GPM6A: variants seen among roughly 807,000 people sequenced by gnomAD.
GPM6A encodes neuronal membrane glycoprotein M6-a.
GPM6A carries 7 observed loss-of-function variants against 32.1 expected under a neutral mutation model. The ratio of observed to expected loss-of-function variants is 0.22; its 90% CI spans 0.12 to 0.41. The LOEUF (loss-of-function observed/expected upper bound fraction) is 0.41. Among genes scored for constraint, GPM6A ranks in the 10% least tolerant of loss-of-function variants. The pLI is 1.00. For synonymous variants in GPM6A, 130 were observed against 123.4 expected (o/e 1.05, Z -0.35); for missense variants, 235 against 347.2 (o/e 0.68, Z 2.57).
intron 1 of GPM6A, among the ~76,000 whole-genome samples, chr4:175,772,409 C>G (rs577784346): frequency 1.4e-3 from 219 of 152,276 alleles, no homozygotes; most frequent in African/African-American, 4.9e-3. Flanking sequence ...CGCATGCTTG[C>G]AAGAGTGTAT....
At chr4:175,964,753 ACAAAT>A (rs1740281176) in intron 1 of GPM6A, among the ~76,000 whole-genome samples, 1 of 152,218 alleles carries the variant, frequency 6.6e-6, no homozygotes, top group African/African-American at 2.4e-5. Flanking sequence ...CATTGTTAAC[ACAAAT>A]CAAAAGCAGG....
At chr4:175,819,019 A>G (rs891121825) in intron 1 of GPM6A, among the ~76,000 whole-genome samples, 2 of 152,202 alleles carry the variant, frequency 1.3e-5, no homozygotes, top group African/African-American at 4.8e-5. Flanking sequence ...CTATAACCAT[A>G]AAGGTGATCC....
intron 2 of GPM6A, among the ~76,000 whole-genome samples, chr4:175,700,263 T>G (rs1049380054): frequency 2.0e-5 from 3 of 152,158 alleles, no homozygotes; most frequent in Non-Finnish European, 4.4e-5. Context: ...TATACTTTTA[T>G]GAAAAACAAT....
chr4:175,786,032 T>C (rs189958196), intron 1 of GPM6A, among the ~76,000 whole-genome samples: 181 of 152,192 alleles, frequency 1.2e-3, no homozygotes, highest in Non-Finnish European at 2.1e-3. Flanking sequence ...CATAAACCTA[T>C]AGTTTCCAAG....
chr4:175,668,531 G>GTGTGTGTGTGTGTGTGTA, intron 3 of GPM6A, among the ~76,000 whole-genome samples: 1 of 151,410 alleles, frequency 6.6e-6, no homozygotes, highest in East Asian at 2.0e-4. Context: ...GTGTGTGTGT[G>GTGTGTGTGTGTGTGTGTA]TGTGTGTGTG....
chr4:175,815,576 A>G (rs2111339484), upstream of GPM6A, among the ~76,000 whole-genome samples: 1 of 152,206 alleles, frequency 6.6e-6, no homozygotes, highest in African/African-American at 2.4e-5. Context: ...TTCTACTCTT[A>G]GTCATTTATT....
Position 175,812,240 on chromosome 4 carries a change from T to C in GPM6A, c.-13A>G. 1 of 1,583,234 alleles carries C rather than the reference T, an allele frequency of 6.3e-7. No individual in the cohort carries two copies. The highest frequency in any genetic ancestry group is 1.1e-5 in the South Asian group (1 of 87,310). ...TATTCTCTTCCATGGCTACCTTTCTTCAGTAGAATCTGGTACACGGAATTA... is the reference window on the plus strand; with the variant it reads ...TATTCTCTTCCATGGCTACCTTTCTCCAGTAGAATCTGGTACACGGAATTA... On this transcript the variant is annotated 5_prime_UTR_variant, in exon 1 of 7. Transcript: ENST00000393658.
intron 4 of GPM6A, among the ~76,000 whole-genome samples, chr4:175,647,026 G>A (rs889056740): frequency 1.3e-5 from 2 of 152,188 alleles, no homozygotes; most frequent in African/African-American, 2.4e-5. Context: ...CTGTGACCTA[G>A]ATCGAATCCC....
At chr4:175,966,446 TTA>T (rs887430802) in intron 1 of GPM6A, among the ~76,000 whole-genome samples, 1 of 148,628 alleles carries the variant, frequency 6.7e-6, no homozygotes, top group Admixed American at 6.8e-5. Context: ...TTTCAAAATA[TTA>T]TATATATATA....
At chr4:175,976,931 A>C (rs986153137) in intron 1 of GPM6A, among the ~76,000 whole-genome samples, 2 of 152,242 alleles carry the variant, frequency 1.3e-5, no homozygotes, top group Non-Finnish European at 2.9e-5. Flanking sequence ...ACAACCCTGC[A>C]TTCCATAATG....
At chr4:175,650,290 ATTTAT>A (rs1741717081) in intron 4 of GPM6A, among the ~76,000 whole-genome samples, 3 of 65,084 alleles carry the variant, frequency 4.6e-5, no homozygotes, top group African/African-American at 2.1e-4. Context: ...TTATTTATTT[ATTTAT>A]TTATTTATTT....
At chr4:175,997,658 C>T (rs529709090) in intron 1 of GPM6A, among the ~76,000 whole-genome samples, 2 of 151,926 alleles carry the variant, frequency 1.3e-5, no homozygotes, top group African/African-American at 2.4e-5. Flanking sequence ...ATAACTGTCT[C>T]GAGGGTGTCA....
intron 1 of GPM6A, among the ~76,000 whole-genome samples, chr4:175,764,617 T>C (rs1732885232): frequency 6.6e-6 from 1 of 152,010 alleles, no homozygotes; most frequent in South Asian, 2.1e-4. Context: ...ATCCTTCATA[T>C]CCAAAGATAA....
At chr4:175,730,244 G>A (rs770149401) in intron 1 of GPM6A, among the ~76,000 whole-genome samples, 3 of 151,790 alleles carry the variant, frequency 2.0e-5, no homozygotes, top group African/African-American at 4.8e-5. Flanking sequence ...TTTTATTTAT[G>A]TATTTATTTA....
intron 1 of GPM6A, among the ~76,000 whole-genome samples, chr4:175,883,019 T>C (rs116451950): frequency 0.011 from 1,694 of 152,232 alleles, 21 homozygotes; most frequent in African/African-American, 0.038. Context: ...GAAAAAAGAA[T>C]TCATTTCTTT....
intron 1 of GPM6A, among the ~76,000 whole-genome samples, chr4:175,711,321 G>A (rs1230709200): frequency 6.8e-6 from 1 of 146,378 alleles, no homozygotes; most frequent in Non-Finnish European, 1.5e-5. Flanking sequence ...GACAGAAACA[G>A]AAATAAATAA....
At chr4:175,984,892 T>C (rs1284737811) in intron 1 of GPM6A, among the ~76,000 whole-genome samples, 1 of 152,174 alleles carries the variant, frequency 6.6e-6, no homozygotes, top group Non-Finnish European at 1.5e-5. Context: ...TAGTAATTCC[T>C]CCCCTATTAT....
At chr4:175,814,641 G>A (rs1381858422), upstream of GPM6A, among the ~76,000 whole-genome samples, 2 of 152,054 alleles carry the variant, frequency 1.3e-5, no homozygotes, top group African/African-American at 4.8e-5. Flanking sequence ...TGTGACAATT[G>A]TTACCAACAT....
rs115222429 is a variant in GPM6A, at chr4:175,666,469, C to G, written c.387+7211G>C. Among the ~76,000 whole-genome samples, 1,182 of 152,132 alleles carry G rather than the reference C, an allele frequency of 7.8e-3. 11 individuals are homozygous for G. Among genetic ancestry groups the G allele is most frequent in the Middle Eastern group, 0.017 (5 of 294 alleles). ...AAAGGCAGAGTCAAAAAAAATGTAG[C>G]TCTTGAGTTTTTTCTGAAAATAATT... On this transcript the variant is annotated intron_variant, in intron 3 of 6. Coordinates refer to ENST00000393658, the MANE Select transcript of GPM6A (RefSeq NM_201591.3).
Sources: gnomAD v4.1 joint callset for allele counts (sites outside exome capture counted in the v4.1 genomes callset) on GRCh38, gnomAD v4.1.1 for gene constraint, MANE v1.5 for transcripts, NCBI Gene and HGNC (gene_info 2026-07-23, HGNC 2026-07-21) for gene names.